Variants in DLGAP1 observed in about 807,000 individuals in gnomAD.
DLGAP1 encodes disks large-associated protein 1.
A neutral mutation model predicts 90.8 loss-of-function variants in DLGAP1; 11 were observed. That is an observed-to-expected ratio of 0.12 (90% confidence interval 0.08 to 0.20). The LOEUF is 0.20. DLGAP1 is among the 10% of genes least tolerant of loss of function. The pLI is 1.00. For missense variants in DLGAP1, 1,050 were observed against 1,333.8 expected, an observed-to-expected ratio of 0.79 and a Z score of 3.31; for synonymous variants, 558 against 540.7, an observed-to-expected ratio of 1.03 and a Z score of -0.44.
rs956142199 is a variant in DLGAP1 at position 4,330,492 on chromosome 18, T to C, written c.-267+124514A>G. Among the ~76,000 whole-genome samples, 28 of 151,900 alleles carry C rather than the reference T, an allele frequency of 1.8e-4. 2 individuals are homozygous for C. The highest frequency in any genetic ancestry group is 6.5e-4 in the African/African-American group (27 of 41,236). On this transcript the variant is annotated intron_variant, in intron 1 of 12. Transcript: ENST00000315677. ...TTTGATACTTTCTTCTTTTCTAATA[T>C]AAGCAATTAGTGCAAAAATATTTCT...
rs1040146348 is a variant in DLGAP1, at chr18:4,276,166, C to T, written c.-266-124879G>A. On this transcript the variant is annotated intron_variant, in intron 1 of 12. Coordinates refer to ENST00000315677, the MANE Select transcript of DLGAP1 (RefSeq NM_004746.4). ...TTTTTTGGCGGGGGGTGGGAGGGGG[C>T]TTGATTTTTTTTTTTTTTTTAATGC... Among the ~76,000 whole-genome samples the T allele has an allele frequency of 9.4e-4, 122 of 129,956 alleles. 1 individual carries two copies. The highest frequency in any genetic ancestry group is 3.5e-3 in the African/African-American group (116 of 33,370). The allele number at this position is 129,956 out of a possible 152,430, so 85.3% of individuals were successfully genotyped here.
At chr18:3,670,898 T>C (rs2060064827) in intron 7 of DLGAP1, among the ~76,000 whole-genome samples, 1 of 152,262 alleles carries the variant, frequency 6.6e-6, no homozygotes, top group Non-Finnish European at 1.5e-5. Context: ...GTTTACCTTA[T>C]TAAGAATATC....
intron 7 of DLGAP1, among the ~76,000 whole-genome samples, chr18:3,651,082 T>C (rs901081422): frequency 1.8e-4 from 24 of 133,874 alleles, no homozygotes; most frequent in Admixed American, 9.2e-4. Context: ...CAAAGTTGGC[T>C]GGGCACGGTG....
chr18:4,271,366 T>A (rs1229019964), intron 1 of DLGAP1, among the ~76,000 whole-genome samples: 2 of 152,188 alleles, frequency 1.3e-5, no homozygotes, highest in East Asian at 3.9e-4. Context: ...TACTACCTAA[T>A]TTCACATATA....
At chr18:4,344,360 G>A (rs2081263431) in intron 1 of DLGAP1, among the ~76,000 whole-genome samples, 1 of 152,090 alleles carries the variant, frequency 6.6e-6, no homozygotes, top group African/African-American at 2.4e-5. Context: ...GCAGATTTGA[G>A]ATGATAAAAT....
intron 1 of DLGAP1, among the ~76,000 whole-genome samples, chr18:4,441,263 C>G (rs1254115898): frequency 1.3e-5 from 2 of 152,088 alleles, no homozygotes; most frequent in South Asian, 4.2e-4. Context: ...AGTGACAGAT[C>G]GTTTCTTGGA....
intron 1 of DLGAP1, among the ~76,000 whole-genome samples, chr18:4,409,435 G>A (rs1049692293): frequency 5.3e-5 from 8 of 151,916 alleles, no homozygotes; most frequent in Admixed American, 6.6e-5. Context: ...GCAACCTTTT[G>A]GTCTTCTTAT....
chr18:3,702,615 A>G (rs550678410), intron 7 of DLGAP1, among the ~76,000 whole-genome samples: 6 of 152,282 alleles, frequency 3.9e-5, no homozygotes, highest in African/African-American at 1.4e-4. Flanking sequence ...ATGGGATCCT[A>G]TATGTATCAT....
Position 3,527,410 on chromosome 18 carries a change from C to CTGTTTTTTTTTTTTT in DLGAP1, c.2479+6783_2479+6784insAAAAAAAAAAAAACA, listed in dbSNP as rs1555668846. ...GTGAGTAAACAGGTTATTTTCCAAA[C>CTGTTTTTTTTTTTTT]TTTTTTTTTTTTTTTTTTTTTTGCC... On this transcript the variant is annotated intron_variant, in intron 10 of 12. Coordinates refer to ENST00000315677, the MANE Select transcript of DLGAP1 (RefSeq NM_004746.4). 2.4e-4 allele frequency among the ~76,000 whole-genome samples: 24 copies of CTGTTTTTTTTTTTTT among 100,694 alleles called. 3 individuals carry two copies. Among genetic ancestry groups the CTGTTTTTTTTTTTTT allele is most frequent in the Non-Finnish European group, 3.5e-4 (18 of 51,954 alleles). The allele number at this position is 100,694 out of a possible 152,430, so 66.1% of individuals were successfully genotyped here. A position where few individuals can be genotyped will look rare whatever the true frequency, so the allele number is the denominator to read the frequency against.
intron 7 of DLGAP1, among the ~76,000 whole-genome samples, chr18:3,672,079 T>C (rs995274203): frequency 2.6e-5 from 4 of 152,164 alleles, no homozygotes; most frequent in African/African-American, 9.7e-5. Context: ...GAAAGCAGAT[T>C]TGAAAAGTTA....
In DLGAP1 at chr18:3,727,577, CG is replaced by C. The variant is rs2062231605; in HGVS notation, c.1591+1557del. ...AGAAGAATGGACCAGACACTGGGAA[CG>C]GGTTGTGTGTTGGGTGGGGGTGGTG... On this transcript the variant is annotated intron_variant, in intron 7 of 12. Transcript: ENST00000315677. The surrounding 1 kb of genome is among the most constrained non-coding windows in gnomAD (Gnocchi z 4.7). 6.6e-6 allele frequency: 1 copy of C among 151,924 alleles called. No individual in the cohort carries two copies. Among genetic ancestry groups the C allele is most frequent in the African/African-American group, 2.4e-5 (1 of 41,334 alleles). 9.4% of individuals were successfully genotyped at this position (151,924 alleles called of 1,614,324 possible).
intron 1 of DLGAP1, among the ~76,000 whole-genome samples, chr18:4,236,295 T>G (rs2078413411): frequency 6.6e-6 from 1 of 152,190 alleles, no homozygotes; most frequent in South Asian, 2.1e-4. Flanking sequence ...ATTGTAATGA[T>G]TATCAGTAGA....
chr18:4,421,377 G>A (rs1048973196), intron 1 of DLGAP1, among the ~76,000 whole-genome samples: 5 of 152,064 alleles, frequency 3.3e-5, no homozygotes, highest in African/African-American at 1.2e-4. Flanking sequence ...AGAGAATCTA[G>A]TATAGTCCAG....
At chr18:3,738,233 C>A (rs1174625757) in intron 6 of DLGAP1, among the ~76,000 whole-genome samples, 3 of 148,774 alleles carry the variant, frequency 2.0e-5, no homozygotes, top group African/African-American at 7.7e-5. Context: ...CCATCCCCAT[C>A]AAGCTACCAG....
chr18:4,204,469 T>C (rs1371012157), intron 1 of DLGAP1, among the ~76,000 whole-genome samples: 1 of 152,136 alleles, frequency 6.6e-6, no homozygotes, highest in Non-Finnish European at 1.5e-5. Flanking sequence ...TTCATAAGGA[T>C]GGCTGTATCT....
rs568924158 is a variant in DLGAP1, at chr18:4,201,115, A to C, written c.-266-49828T>G. 2.1e-4 allele frequency among the ~76,000 whole-genome samples: 31 copies of C among 148,026 alleles called. 2 individuals carry two copies. The East Asian group carries it at 6.1e-3, about 29-fold the overall frequency. ...TCTATAGGTTGTCTTTCTGTTGACG[A>C]CTTTTTTTTGTTGTTCAGAAGCTTT... On this transcript the variant is annotated intron_variant, in intron 1 of 12. Coordinates refer to ENST00000315677, the MANE Select transcript of DLGAP1 (RefSeq NM_004746.4).
rs8088834 is a variant in DLGAP1 at position 3,708,636 on chromosome 18, T to G, written c.1591+20499A>C. 1.9e-3 allele frequency: 795 copies of G among 425,264 alleles called. 3 individuals are homozygous for G. Among genetic ancestry groups the G allele is most frequent in the African/African-American group, 0.015 (734 of 49,108 alleles). 26.3% of individuals were successfully genotyped at this position (425,264 alleles called of 1,614,324 possible). A position where few individuals can be genotyped will look rare whatever the true frequency, so the allele number is the denominator to read the frequency against. On this transcript the variant is annotated intron_variant, in intron 7 of 12. Coordinates refer to ENST00000315677, the MANE Select transcript of DLGAP1 (RefSeq NM_004746.4). ...TCTGGACTTAAGTGGCTTTAAATTT[T>G]GGGGCACACTCTACAACAAGAATTT... is the stretch of plus-strand genomic sequence containing the variant.
intron 1 of DLGAP1, among the ~76,000 whole-genome samples, chr18:4,281,835 C>G (rs1316722685): frequency 6.6e-6 from 1 of 152,028 alleles, no homozygotes; most frequent in Non-Finnish European, 1.5e-5. Context: ...AAGATGTACA[C>G]ATATTATAAA....
At chr18:3,831,459 C>T (rs532482768) in intron 4 of DLGAP1, among the ~76,000 whole-genome samples, 90 of 152,188 alleles carry the variant, frequency 5.9e-4, no homozygotes, top group Non-Finnish European at 1.1e-3. Flanking sequence ...ATGCTTTATA[C>T]TGTATTGTTC....
Sources: allele counts gnomAD v4.1 joint callset (sites outside exome capture counted in the v4.1 genomes callset), GRCh38; gene constraint gnomAD v4.1.1; non-coding constraint Gnocchi (gnomAD v3.1); transcripts MANE v1.5; gene names NCBI Gene and HGNC (gene_info 2026-07-23, HGNC 2026-07-21).